C10orf53: variants seen among roughly 807,000 people sequenced by gnomAD.
The protein encoded by C10orf53 is UPF0728 protein C10orf53.
Under a neutral mutation model 9.4 loss-of-function variants are expected in C10orf53, and 8 were observed. That is an observed-to-expected ratio of 0.85 (90% confidence interval 0.50 to 1.53). The LOEUF is 1.53. Among genes scored for constraint, C10orf53 ranks in the 40% most tolerant of loss-of-function variants. The probability of loss-of-function intolerance (pLI) is 0.00; values close to 1 mark genes in which losing one functional copy is unlikely to be tolerated. For missense variants in C10orf53, 117 were observed against 117.8 expected (o/e 0.99, Z 0.03); for synonymous variants, 48 against 46.0 (o/e 1.04, Z -0.18).
Position 49,695,285 on chromosome 10 carries a change from C to A in C10orf53, c.*683C>A, listed in dbSNP as rs1840624455. 1 of 152,196 alleles carries A rather than the reference C, an allele frequency of 6.6e-6. No homozygotes were observed. Among genetic ancestry groups the A allele is most frequent in the African/African-American group, 2.4e-5 (1 of 41,434 alleles). 9.4% of individuals were successfully genotyped at this position (152,196 alleles called of 1,614,324 possible). ...CTGGTCCCTCTGGAGTAGAACACAG[C>A]CCCATAGAGTTAAAGAGGGTTTTCA... On this transcript the variant is annotated 3_prime_UTR_variant, in exon 3 of 3. Transcript: ENST00000374111.
At chr10:49,704,588 A>C (rs957594481) in intron 2 of C10orf53, among the ~76,000 whole-genome samples, 4 of 151,906 alleles carry the variant, frequency 2.6e-5, no homozygotes, top group Admixed American at 2.6e-4. Flanking sequence ...TAAAAATACC[A>C]AAAAAATTAG....
chr10:49,688,978 C>T (rs1056684470), intron 1 of C10orf53, among the ~76,000 whole-genome samples: 10 of 152,194 alleles, frequency 6.6e-5, no homozygotes, highest in African/African-American at 2.2e-4. Flanking sequence ...TACCCTTCTC[C>T]CCCACTTGGA....
chr10:49,701,903 A>G (rs1275914731), downstream of C10orf53, among the ~76,000 whole-genome samples: 1 of 152,188 alleles, frequency 6.6e-6, no homozygotes, highest in Non-Finnish European at 1.5e-5. Flanking sequence ...ATAAAAGTGG[A>G]AGAAATAACA....
At chr10:49,688,110 G>A (rs1590640740) in intron 1 of C10orf53, among the ~76,000 whole-genome samples, 2 of 152,082 alleles carry the variant, frequency 1.3e-5, no homozygotes, top group East Asian at 1.9e-4. Flanking sequence ...CGTAGCCACT[G>A]CCATGTTGAG....
At chr10:49,689,592 G>A (rs983493995) in intron 1 of C10orf53, among the ~76,000 whole-genome samples, 2 of 152,080 alleles carry the variant, frequency 1.3e-5, no homozygotes, top group Non-Finnish European at 2.9e-5. Flanking sequence ...CATTCTCAGC[G>A]ATAGCGAAAA....
At chr10:49,708,573 A>C (rs201171535) in exon 3 of C10orf53, 1 of 1,614,200 alleles carries the variant, frequency 6.2e-7, no homozygotes, top group South Asian at 1.1e-5. Context: ...CCTGGATCAC[A>C]TGCTCATTTC....
chr10:49,689,009 G>A (rs1223116355), intron 1 of C10orf53, among the ~76,000 whole-genome samples: 1 of 152,190 alleles, frequency 6.6e-6, no homozygotes, highest in Non-Finnish European at 1.5e-5. Flanking sequence ...GAGGAGGGAA[G>A]GGGCAGGAGT....
intron 2 of C10orf53, among the ~76,000 whole-genome samples, chr10:49,707,192 C>A (rs1564509960): frequency 6.6e-6 from 1 of 152,136 alleles, no homozygotes; most frequent in Non-Finnish European, 1.5e-5. Context: ...GCCCTACACA[C>A]CCTACAGTGT....
At chr10:49,703,084 G>A (rs528363922) in intron 2 of C10orf53, among the ~76,000 whole-genome samples, 44 of 152,088 alleles carry the variant, frequency 2.9e-4, no homozygotes, top group African/African-American at 1.0e-3. Context: ...TACACCTCTC[G>A]TGTCTCTTCA....
In C10orf53 at chr10:49,696,268, G is replaced by C. The variant is rs1297550927; in HGVS notation, c.*1666G>C. Among the ~76,000 whole-genome samples, 1 of 150,792 alleles carries C rather than the reference G, an allele frequency of 6.6e-6. No homozygotes were observed. ...CCTCTTCCCGCATGATTTGTTGACT[G>C]TCTGAGCATTTTATCTTGAATCAGG... On this transcript the variant is annotated 3_prime_UTR_variant, in exon 3 of 3. Transcript: ENST00000374111.
downstream of C10orf53, among the ~76,000 whole-genome samples, chr10:49,701,927 C>T (rs1474473664): frequency 6.6e-6 from 1 of 152,112 alleles, no homozygotes; most frequent in Non-Finnish European, 1.5e-5. Context: ...GTTGGCCGGG[C>T]GTGGTGGCTC....
downstream of C10orf53, among the ~76,000 whole-genome samples, chr10:49,702,152 G>T (rs1468517586): frequency 1.4e-5 from 2 of 145,576 alleles, no homozygotes; most frequent in African/African-American, 2.5e-5. Flanking sequence ...AGCCGAGATT[G>T]CACCACCTCA....
exon 3 of C10orf53, chr10:49,708,840 T>C: frequency 3.1e-6 from 2 of 636,954 alleles, no homozygotes; most frequent in South Asian, 2.1e-5. Flanking sequence ...GTTGAAGTTA[T>C]GATCGATGAA....
Position 49,689,922 on chromosome 10 carries a change from T to C in C10orf53, c.98-3852T>C, listed in dbSNP as rs1840566026. On this transcript the variant is annotated intron_variant, in intron 1 of 2. Coordinates refer to ENST00000374111, the MANE Select transcript of C10orf53 (RefSeq NM_001042427.3). ...TTTAAAATTTAGAGATCAAAAAACA[T>C]ATTTGTTTTTACCATCAAAAGTATT... Among the ~76,000 whole-genome samples the C allele has an allele frequency of 5.3e-5, 8 of 152,182 alleles. No individual in the cohort carries two copies. The South Asian group carries it at 1.7e-3, about 32-fold the overall frequency.
At chr10:49,687,083 T>G (rs767281536) in intron 1 of C10orf53, among the ~76,000 whole-genome samples, 1 of 152,234 alleles carries the variant, frequency 6.6e-6, no homozygotes, top group Non-Finnish European at 1.5e-5. Context: ...CTGTAGACCT[T>G]TGACTGTTTT....
intron 1 of C10orf53, among the ~76,000 whole-genome samples, chr10:49,693,159 A>C (rs1384016946): frequency 6.6e-6 from 1 of 152,190 alleles, no homozygotes; most frequent in Non-Finnish European, 1.5e-5. Context: ...TCCAAATAAA[A>C]TCTCATCACA....
chr10:49,694,432 C>A, intron 2 of C10orf53, 106 bp from the exon 3 acceptor site: 1 of 1,451,930 alleles, frequency 6.9e-7, no homozygotes, highest in Non-Finnish European at 9.5e-7. Flanking sequence ...TTTTACCAGC[C>A]CATGGCCTTT....
chr10:49,681,751 G>C (rs74850791), intron 1 of C10orf53, among the ~76,000 whole-genome samples: 1 of 152,092 alleles, frequency 6.6e-6, no homozygotes, highest in African/African-American at 2.4e-5. Context: ...TGGGGAGAGC[G>C]GGGAGCAAGC....
At chr10:49,705,446 G>A (rs951349783) in intron 2 of C10orf53, among the ~76,000 whole-genome samples, 2 of 152,044 alleles carry the variant, frequency 1.3e-5, no homozygotes, top group African/African-American at 4.8e-5. Flanking sequence ...CATAGCAGAG[G>A]GCCATGGAAG....
Sources: allele counts gnomAD v4.1 joint callset (sites outside exome capture counted in the v4.1 genomes callset), GRCh38; gene constraint gnomAD v4.1.1; transcripts MANE v1.5; gene names NCBI Gene and HGNC (gene_info 2026-07-23, HGNC 2026-07-21).